The following LRRC37A2 variants were observed in gnomAD, a reference collection of about 807,000 sequenced individuals.
LRRC37A2 encodes leucine-rich repeat-containing protein 37A2.
LRRC37A2 carries 9 observed loss-of-function variants against 68.8 expected under a neutral mutation model. That is an observed-to-expected ratio of 0.13 (90% CI 0.08 to 0.23). The LOEUF is 0.23. LRRC37A2 is among the 10% of genes least tolerant of loss of function. LRRC37A2 has a pLI of 1.00. For missense variants in LRRC37A2, 168 were observed against 950.4 expected (o/e 0.18, Z 10.82); for synonymous variants, 63 against 367.6 (o/e 0.17, Z 9.48).
At chr17:46,728,711 A>AT in the LRRC37A2 span, 1 of 459,634 alleles carries the variant, frequency 2.2e-6, no homozygotes. Context: ...TTACTCTTTA[A>AT]ATTTTTTTTT....
At chr17:47,000,076 A>AAATAAAATAAAATATAAAATAAAATAT in the LRRC37A2 span, among the ~76,000 whole-genome samples, 7 of 25,528 alleles carry the variant, frequency 2.7e-4, 1 homozygote, top group East Asian at 4.9e-3. Flanking sequence ...AAATAAAATA[A>AAATAAAATAAAATATAAAATAAAATAT]AAAATAAAAT....
chr17:46,532,421 C>A (rs959782167), intron 6 of LRRC37A2, among the ~76,000 whole-genome samples: 1 of 149,914 alleles, frequency 6.7e-6, no homozygotes, highest in Admixed American at 6.6e-5. Flanking sequence ...GTTAATATCA[C>A]CCTCATAGAA....
At chr17:46,851,548 C>A in the LRRC37A2 span, 2 of 673,542 alleles carry the variant, frequency 3.0e-6, no homozygotes, top group Non-Finnish European at 4.1e-6. This position sits in a 1 kb window ranked among gnomAD's most constrained non-coding sequence, Gnocchi z 4.3. Context: ...CCCCGCCCCA[C>A]CCGGGTTTAA....
the LRRC37A2 span, among the ~76,000 whole-genome samples, chr17:47,047,936 T>C: frequency 2.0e-5 from 3 of 151,338 alleles, no homozygotes; most frequent in African/African-American, 7.3e-5. Flanking sequence ...ACTTCTAAAA[T>C]GTGACTACTT....
chr17:46,872,653 C>A, the LRRC37A2 span: 1 of 1,613,624 alleles, frequency 6.2e-7, no homozygotes, highest in South Asian at 1.1e-5. Flanking sequence ...CCGGAGGGAG[C>A]CCGGCCTGGC....
chr17:46,773,651 C>A, the LRRC37A2 span: 1 of 1,376,150 alleles, frequency 7.3e-7, no homozygotes. Flanking sequence ...CCCCCCCCCT[C>A]AGCCCCAAGG....
At chr17:46,568,512 A>G in the LRRC37A2 span, among the ~76,000 whole-genome samples, 204 of 110,590 alleles carry the variant, frequency 1.8e-3, 7 homozygotes, top group South Asian at 3.3e-3. Context: ...AAAAAAAAAA[A>G]GAGGGGGGGA....
chr17:46,797,862 T>C, the LRRC37A2 span, among the ~76,000 whole-genome samples: 2 of 152,232 alleles, frequency 1.3e-5, no homozygotes, highest in Admixed American at 6.5e-5. Flanking sequence ...TATAACACCA[T>C]TTTTATAATG....
the LRRC37A2 span, among the ~76,000 whole-genome samples, chr17:46,585,319 A>G: frequency 1.3e-4 from 9 of 71,448 alleles, 2 homozygotes; most frequent in African/African-American, 2.4e-4. Flanking sequence ...CTCCATCTCG[A>G]AAAAAAAAAA....
At chr17:47,024,420 C>G in the LRRC37A2 span, among the ~76,000 whole-genome samples, 3 of 152,068 alleles carry the variant, frequency 2.0e-5, no homozygotes, top group East Asian at 1.9e-4. Flanking sequence ...GTGATCTAGA[C>G]AGGAGGCATG....
At chr17:46,896,377 GAAGA>G in the LRRC37A2 span, among the ~76,000 whole-genome samples, 24 of 125,534 alleles carry the variant, frequency 1.9e-4, no homozygotes, top group African/African-American at 3.2e-4. Context: ...GAGAGAGAGA[GAAGA>G]AAGAAAGAAA....
the LRRC37A2 span, among the ~76,000 whole-genome samples, chr17:46,712,298 A>G: frequency 8.5e-5 from 13 of 152,194 alleles, no homozygotes; most frequent in Admixed American, 8.5e-4. Flanking sequence ...CAGTCACTCT[A>G]CTAGCACTGT....
chr17:47,016,144 C>A, the LRRC37A2 span, among the ~76,000 whole-genome samples: 9 of 152,026 alleles, frequency 5.9e-5, 1 homozygote, highest in Non-Finnish European at 1.3e-4. Context: ...GGAGTTTCAC[C>A]ATGTTGGTCA....
the LRRC37A2 span, among the ~76,000 whole-genome samples, chr17:46,983,100 GGGGTTGTTCGTTGGCTTCCT>G: frequency 1.3e-5 from 2 of 152,262 alleles, no homozygotes; most frequent in East Asian, 3.9e-4. Context: ...GATTGCTGCA[GGGGTTGTTCGTTGGCTTCCT>G]GGGCTGGTGC....
chr17:46,868,211 T>G, the LRRC37A2 span, among the ~76,000 whole-genome samples: 1 of 152,160 alleles, frequency 6.6e-6, no homozygotes, highest in Admixed American at 6.5e-5. Context: ...AAACAACCCT[T>G]CCTCTGCCCT....
the LRRC37A2 span, among the ~76,000 whole-genome samples, chr17:46,920,527 A>C: frequency 6.6e-6 from 1 of 152,208 alleles, no homozygotes; most frequent in Non-Finnish European, 1.5e-5. Context: ...GAGAAGTATC[A>C]ACTTGTCCAA....
the LRRC37A2 span, among the ~76,000 whole-genome samples, chr17:46,979,529 G>A: frequency 6.6e-6 from 1 of 152,184 alleles, no homozygotes; most frequent in African/African-American, 2.4e-5. Flanking sequence ...ACCCTTAGCA[G>A]TGAAGTTATT....
At chr17:47,037,501 C>T in the LRRC37A2 span, among the ~76,000 whole-genome samples, 2 of 152,198 alleles carry the variant, frequency 1.3e-5, no homozygotes, top group East Asian at 3.8e-4. Flanking sequence ...TTCATGTTTA[C>T]AGAATACTCT....
the LRRC37A2 span, chr17:46,872,491 T>C: frequency 1.4e-6 from 2 of 1,463,832 alleles, no homozygotes; most frequent in South Asian, 3.0e-5. Flanking sequence ...AAGGCTCACC[T>C]GTCTCCCTCC....
Sources: allele counts gnomAD v4.1 joint callset (sites outside exome capture counted in the v4.1 genomes callset), GRCh38; gene constraint gnomAD v4.1.1; non-coding constraint Gnocchi (gnomAD v3.1); transcripts MANE v1.5; gene names NCBI Gene and HGNC (gene_info 2026-07-23, HGNC 2026-07-21).